TIPIN: variants seen among roughly 807,000 people sequenced by gnomAD.
TIPIN encodes the protein TIMELESS interacting protein.
Under a neutral mutation model 35.6 loss-of-function variants are expected in TIPIN, and 29 were observed. The ratio of observed to expected loss-of-function variants is 0.82; its 90% confidence interval spans 0.61 to 1.11. The LOEUF (loss-of-function observed/expected upper bound fraction) is 1.11, where lower values mean the gene tolerates loss of function less well. Among genes scored for constraint, TIPIN ranks in the 50% most tolerant of loss-of-function variants. The probability of loss-of-function intolerance (pLI) is 0.00; values close to 1 mark genes in which losing one functional copy is unlikely to be tolerated. For missense variants in TIPIN, 296 were observed against 345.4 expected (o/e 0.86, Z 1.13); for synonymous variants, 102 against 121.5 (o/e 0.84, Z 1.06).
chr15:66,378,632 C>G (rs2140499005), intron 1 of TIPIN, among the ~76,000 whole-genome samples: 1 of 151,758 alleles, frequency 6.6e-6, no homozygotes, highest in East Asian at 1.9e-4. Context: ...TGTCTTTCTT[C>G]AAATGTTTTT....
rs2093084314 is a variant in TIPIN at position 66,341,249 on chromosome 15, G to C, written c.583C>G (p.Leu195Val). The change falls in exon 7 of 8, where the codon CTA (leucine) becomes GTA (valine). Residue 195 changes from leucine to valine, a missense_variant. Coordinates refer to ENST00000261881, the MANE Select transcript of TIPIN (RefSeq NM_017858.3). ...EMFASELSRS[L>V]TEEQQQRIER... ...ATTCTTTGTTGTTGCTCTTCTGTTA[G>C]GCTTCTACTTAACTCAGAAGCAAAC... 6 of 1,613,806 alleles carry C rather than the reference G, an allele frequency of 3.7e-6. No homozygotes were observed. The highest frequency in any genetic ancestry group is 1.3e-5 in the African/African-American group (1 of 75,048).
At chr15:66,368,967 A>AGTGAG (rs2093267984) in intron 1 of TIPIN, among the ~76,000 whole-genome samples, 7 of 152,134 alleles carry the variant, frequency 4.6e-5, no homozygotes, top group African/African-American at 1.7e-4. Context: ...ACATCACTGA[A>AGTGAG]CTCTCTGAAG....
chr15:66,350,537 G>A (rs570014168), intron 4 of TIPIN, among the ~76,000 whole-genome samples: 5 of 151,778 alleles, frequency 3.3e-5, no homozygotes, highest in East Asian at 3.9e-4. Flanking sequence ...CCCAAGCGGC[G>A]GAGGTTGCAG....
chr15:66,356,826 G>C, upstream of TIPIN: 1 of 697,076 alleles, frequency 1.4e-6, no homozygotes, highest in Non-Finnish European at 1.8e-6. Flanking sequence ...CCCGCCTTCG[G>C]TCCCACAATT....
chr15:66,358,155 T>C (rs1019351527), upstream of TIPIN, among the ~76,000 whole-genome samples: 1 of 152,146 alleles, frequency 6.6e-6, no homozygotes, highest in Admixed American at 6.6e-5. Context: ...TAAGTCCAAA[T>C]ATATTTGTAT....
chr15:66,349,570 A>T, intron 4 of TIPIN, 133 bp from the exon 5 acceptor site: 1 of 1,192,090 alleles, frequency 8.4e-7, no homozygotes, highest in Non-Finnish European at 1.1e-6. Flanking sequence ...AAAAACTTAT[A>T]AAAGGAACTT....
chr15:66,377,583 T>G (rs1022668520), intron 1 of TIPIN, among the ~76,000 whole-genome samples: 1 of 152,192 alleles, frequency 6.6e-6, no homozygotes, highest in Non-Finnish European at 1.5e-5. Flanking sequence ...CAGGCTGGTC[T>G]CGAACTCCTG....
rs35966273 is a variant in TIPIN at position 66,338,813 on chromosome 15, C to CAAA, written c.683-1635_683-1633dup. ...TGGGTGACAGAGCAAGACTCCGTCT[C>CAAA]AAAAAAAAAAAAAAAAAAAAAAGGA... On this transcript the variant is annotated intron_variant, in intron 7 of 7. Coordinates refer to ENST00000261881, the MANE Select transcript of TIPIN (RefSeq NM_017858.3). Among the ~76,000 whole-genome samples, 17 of 35,228 alleles carry CAAA rather than the reference C, an allele frequency of 4.8e-4. 1 individual carries two copies. The highest frequency in any genetic ancestry group is 8.1e-4 in the East Asian group (1 of 1,238). 23.1% of individuals were successfully genotyped at this position (35,228 alleles called of 152,430 possible). A position where few individuals can be genotyped will look rare whatever the true frequency, so the allele number is the denominator to read the frequency against.
intron 1 of TIPIN, among the ~76,000 whole-genome samples, chr15:66,363,999 C>T (rs960689014): frequency 1.3e-5 from 2 of 151,236 alleles, no homozygotes; most frequent in African/African-American, 4.9e-5. Flanking sequence ...AAACAAAAAA[C>T]AAAAACAAAG....
At chr15:66,367,401 C>CTT (rs72031636) in intron 1 of TIPIN, among the ~76,000 whole-genome samples, 46 of 146,562 alleles carry the variant, frequency 3.1e-4, no homozygotes, top group African/African-American at 1.1e-3. Context: ...GCAAGTCTGT[C>CTT]TTTTTTTTTT....
At position 66,356,264 on chromosome 15, in the gene TIPIN, C is replaced by T. The variant is rs574620991; in HGVS notation, c.-9+375G>A. 3.3e-5 allele frequency among the ~76,000 whole-genome samples: 5 copies of T among 152,254 alleles called. No individual in the cohort carries two copies. The East Asian group carries it at 9.7e-4, about 29-fold the overall frequency. ...GAACCTCCCATACCTCTTCTCCAGC[C>T]GTCCCCCTCATCCTCGTTCCCCGCC... On this transcript the variant is annotated intron_variant, in intron 1 of 7. Coordinates refer to ENST00000261881, the MANE Select transcript of TIPIN (RefSeq NM_017858.3).
intron 7 of TIPIN, among the ~76,000 whole-genome samples, chr15:66,338,993 T>C (rs1169890851): frequency 2.0e-5 from 3 of 149,288 alleles, no homozygotes; most frequent in African/African-American, 7.4e-5. Flanking sequence ...TAGCCAGGCA[T>C]GGGGGCACGC....
At chr15:66,375,337 TTTTG>T (rs1367774411) in intron 1 of TIPIN, among the ~76,000 whole-genome samples, 1 of 151,676 alleles carries the variant, frequency 6.6e-6, no homozygotes, top group Non-Finnish European at 1.5e-5. Context: ...TTCACTCTGT[TTTTG>T]TTTATTTATT....
At chr15:66,356,371 G>T (rs2093204086) in intron 1 of TIPIN, among the ~76,000 whole-genome samples, 1 of 152,126 alleles carries the variant, frequency 6.6e-6, no homozygotes, top group South Asian at 2.1e-4. Context: ...GAAGCCTGGG[G>T]TAAAGATGAT....
At chr15:66,378,447 T>C (rs1050765183) in intron 1 of TIPIN, among the ~76,000 whole-genome samples, 2 of 152,202 alleles carry the variant, frequency 1.3e-5, no homozygotes, top group Non-Finnish European at 2.9e-5. Flanking sequence ...TTGCTCTTAA[T>C]TATATTAAAG....
chr15:66,379,688 A>G lies in TIPIN; in HGVS notation c.-9+6919T>C, dbSNP rs1018094569. ...TAACACCCTTGATCATGTTCTGTAC[A>G]TGACTACAAATAGTCCGAACGGTAG... On this transcript the variant is annotated intron_variant, in intron 1 of 7. Coordinates refer to the TIPIN transcript ENST00000562124. 5.4e-5 allele frequency: 87 copies of G among 1,611,236 alleles called. No homozygotes were observed. The East Asian group carries it at 1.2e-3, about 22-fold the overall frequency.
chr15:66,379,123 A>T, intron 1 of TIPIN: 1 of 558,616 alleles, frequency 1.8e-6, no homozygotes, highest in Non-Finnish European at 3.0e-6. Flanking sequence ...TCCTGGCGTT[A>T]AGCAATTGTC....
chr15:66,386,676 G>C (rs1431974467), exon 1 of TIPIN: 1 of 180,520 alleles, frequency 5.5e-6, no homozygotes, highest in Non-Finnish European at 1.2e-5. Flanking sequence ...CTTCTTCTCA[G>C]CTGGGTCCAC....
At chr15:66,351,661 G>A (rs1461795951) in intron 3 of TIPIN, 61 bp from the exon 4 acceptor site, 36 of 1,235,680 alleles carry the variant, frequency 2.9e-5, no homozygotes, top group Admixed American at 9.2e-5. Context: ...TTTTTGAGAC[G>A]GAGTCTCACT....
Sources: gnomAD v4.1 joint callset for allele counts (sites outside exome capture counted in the v4.1 genomes callset) on GRCh38, gnomAD v4.1.1 for gene constraint, MANE v1.5 for transcripts, NCBI Gene and HGNC (gene_info 2026-07-23, HGNC 2026-07-21) for gene names.